The following TENM3 variants were observed in gnomAD, a reference collection of about 807,000 sequenced individuals.
The protein encoded by TENM3 is teneurin transmembrane protein 3, also known as teneurin-3.
TENM3 carries 63 observed loss-of-function variants against 255.1 expected under a neutral mutation model. The ratio of observed to expected loss-of-function variants is 0.25; its 90% CI spans 0.20 to 0.30. TENM3 has a LOEUF of 0.30. Ranked by LOEUF, TENM3 falls within the 10% of genes least tolerant of loss-of-function variation. TENM3 has a pLI of 1.00. For missense variants in TENM3, 2,929 were observed against 3,461.1 expected (o/e 0.85, Z 3.86); for synonymous variants, 1,306 against 1,322.3 (o/e 0.99, Z 0.27).
the TENM3 span, among the ~76,000 whole-genome samples, chr4:182,051,164 T>G: frequency 6.6e-6 from 1 of 151,528 alleles, no homozygotes; most frequent in South Asian, 2.1e-4. Flanking sequence ...ACCAACACGG[T>G]GAAAACCCAT....
chr4:181,836,316 C>T, the TENM3 span, among the ~76,000 whole-genome samples: 1 of 152,030 alleles, frequency 6.6e-6, no homozygotes, highest in African/African-American at 2.4e-5. Flanking sequence ...AAATTATAGC[C>T]ATTTCTAATT....
chr4:182,429,628 CA>C (rs1771480103), intron 3 of TENM3, among the ~76,000 whole-genome samples: 1 of 152,140 alleles, frequency 6.6e-6, no homozygotes. Context: ...AAATGAAATT[CA>C]AATGATTAGT....
the TENM3 span, among the ~76,000 whole-genome samples, chr4:181,546,551 TA>T: frequency 1.5e-5 from 2 of 132,702 alleles, no homozygotes; most frequent in African/African-American, 5.3e-5. Flanking sequence ...CCGTCTCTAC[TA>T]AAAATACAAA....
chr4:182,542,101 T>G (rs1740943750), intron 3 of TENM3, among the ~76,000 whole-genome samples: 1 of 152,070 alleles, frequency 6.6e-6, no homozygotes, highest in Non-Finnish European at 1.5e-5. Context: ...TATAGCAGTT[T>G]TCATTTATTG....
intron 4 of TENM3, 47 bp from the exon 5 acceptor site, chr4:182,628,604 T>C: frequency 1.6e-6 from 2 of 1,254,082 alleles, no homozygotes; most frequent in Non-Finnish European, 2.3e-6. Flanking sequence ...TTGTCTCTTG[T>C]ATCGTAACAT....
the TENM3 span, among the ~76,000 whole-genome samples, chr4:181,527,067 C>G: frequency 1.3e-5 from 2 of 148,230 alleles, no homozygotes; most frequent in African/African-American, 4.9e-5. Context: ...CCTCTGGCCC[C>G]CTGTGCGACC....
At chr4:181,754,321 CAG>C in the TENM3 span, among the ~76,000 whole-genome samples, 1 of 150,680 alleles carries the variant, frequency 6.6e-6, no homozygotes, top group East Asian at 1.9e-4. Flanking sequence ...CACACACACA[CAG>C]ACAATCACAT....
At chr4:181,832,140 C>T in the TENM3 span, among the ~76,000 whole-genome samples, 2,831 of 152,046 alleles carry the variant, frequency 0.019, 37 homozygotes, top group Non-Finnish European at 0.028. Context: ...CAATGTGTTT[C>T]GTGTCTGCCA....
chr4:182,315,402 C>G (rs1287843632), intron 1 of TENM3, among the ~76,000 whole-genome samples: 1 of 146,138 alleles, frequency 6.8e-6, no homozygotes, highest in Non-Finnish European at 1.5e-5. Context: ...ATATAAAATT[C>G]TAGGGTTTTT....
Position 182,725,013 on chromosome 4 carries a change from A to G in TENM3, c.2369-3952A>G, listed in dbSNP as rs193000127. Among the ~76,000 whole-genome samples the G allele has an allele frequency of 1.6e-4, 25 of 152,172 alleles. No individual in the cohort carries two copies. The East Asian group carries it at 1.7e-3, about 11-fold the overall frequency. On this transcript the variant is annotated intron_variant, in intron 13 of 27. Coordinates refer to ENST00000511685, the MANE Select transcript of TENM3 (RefSeq NM_001080477.4). ...ACATATAACTATGAATTGGGATGGA[A>G]AGGTTGAGGTTTTAAAAAATTTTTT...
At chr4:181,875,186 G>A in the TENM3 span, among the ~76,000 whole-genome samples, 2 of 152,054 alleles carry the variant, frequency 1.3e-5, no homozygotes, top group South Asian at 2.1e-4. Flanking sequence ...CATAAATAAG[G>A]CAGATATGTC....
At chr4:181,769,231 G>A in the TENM3 span, among the ~76,000 whole-genome samples, 153 of 152,324 alleles carry the variant, frequency 1.0e-3, 1 homozygote, top group Non-Finnish European at 1.8e-4. Flanking sequence ...TAGCAGTCAT[G>A]TGACTTAAGC....
chr4:182,115,186 T>A, the TENM3 span, among the ~76,000 whole-genome samples: 16 of 151,978 alleles, frequency 1.1e-4, no homozygotes, highest in Non-Finnish European at 2.1e-4. Context: ...GTCTCAAAAA[T>A]AAAAATAAAA....
At chr4:181,798,761 A>C in the TENM3 span, among the ~76,000 whole-genome samples, 1 of 152,204 alleles carries the variant, frequency 6.6e-6, no homozygotes, top group Non-Finnish European at 1.5e-5. Context: ...GTTATTATAC[A>C]TCAAAACTGG....
At chr4:182,384,228 CA>C in intron 3 of TENM3, among the ~76,000 whole-genome samples, 1 of 151,600 alleles carries the variant, frequency 6.6e-6, no homozygotes, top group East Asian at 1.9e-4. Flanking sequence ...TATTCAGAGC[CA>C]AAATTATAAA....
At chr4:181,956,116 C>T in the TENM3 span, among the ~76,000 whole-genome samples, 86,042 of 151,870 alleles carry the variant, frequency 0.57, 24,998 homozygotes, top group African/African-American at 0.66. Flanking sequence ...GCCTTCTCTC[C>T]GTGTTCTCAC....
At chr4:182,255,659 C>T (rs1016046311) in intron 1 of TENM3, among the ~76,000 whole-genome samples, 6 of 152,068 alleles carry the variant, frequency 3.9e-5, no homozygotes, top group Non-Finnish European at 8.8e-5. Context: ...CTGGGATGAC[C>T]AACAGCAGCC....
chr4:181,751,461 A>G, the TENM3 span, among the ~76,000 whole-genome samples: 26 of 151,624 alleles, frequency 1.7e-4, 1 homozygote, highest in Admixed American at 1.7e-3. Flanking sequence ...CCCAGTCTGC[A>G]ATCCAAGACT....
In TENM3 at chr4:182,792,889, G is replaced by A; in HGVS notation, c.6217G>A (p.Ala2073Thr). The A allele has an allele frequency of 6.2e-7, 1 of 1,613,896 alleles. No individual in the cohort carries two copies. The highest frequency in any genetic ancestry group is 8.5e-7 in the Non-Finnish European group (1 of 1,179,846). The change falls in exon 26 of 28, where the codon GCT becomes ACT. Residue 2073 changes from alanine to threonine, a missense_variant. Ala to Thr is a moderately conservative substitution (Grantham distance 58, BLOSUM62 0). Coordinates refer to ENST00000511685, the MANE Select transcript of TENM3 (RefSeq NM_001080477.4). The surrounding 1 kb of genome is among the most constrained non-coding windows in gnomAD (Gnocchi z 6.3). ...YYDINQIIST[A>T]VMTYTKHFDA... The stretch of plus-strand genomic sequence containing the variant: ...TGATATTAACCAGATCATTTCTACA[G>A]CTGTAATGACCTATACGAAGCACTT...
Sources: gnomAD v4.1 joint callset for allele counts (sites outside exome capture counted in the v4.1 genomes callset) on GRCh38, gnomAD v4.1.1 for gene constraint, Gnocchi (gnomAD v3.1) non-coding constraint, MANE v1.5 for transcripts, NCBI Gene and HGNC (gene_info 2026-07-23, HGNC 2026-07-21) for gene names.